The following MPRIP variants were observed in gnomAD, a reference collection of about 807,000 sequenced individuals.
MPRIP encodes myosin phosphatase Rho interacting protein, also known as myosin phosphatase Rho-interacting protein.
MPRIP carries 59 observed loss-of-function variants against 234.9 expected under a neutral mutation model. That is an observed-to-expected ratio of 0.25 (90% CI 0.20 to 0.31). The LOEUF (loss-of-function observed/expected upper bound fraction) is 0.31, where lower values mean the gene tolerates loss of function less well. MPRIP is among the 10% of genes least tolerant of loss of function. The pLI is 1.00. For synonymous variants in MPRIP, 1,144 were observed against 1,263.9 expected (o/e 0.91, Z 2.01); for missense variants, 2,436 against 3,071.0 (o/e 0.79, Z 4.89).
intron 16 of MPRIP, chr17:17,171,491 G>T: frequency 1.9e-6 from 1 of 538,022 alleles, no homozygotes. Context: ...GAAATAAGAG[G>T]TAGAGTTGAC....
In MPRIP at chr17:17,105,495, G is replaced by A. The variant is rs1045442515; in HGVS notation, c.268-21207G>A. Among the ~76,000 whole-genome samples, 6 of 152,302 alleles carry A rather than the reference G, an allele frequency of 3.9e-5. No individual in the cohort carries two copies. The East Asian group carries it at 1.2e-3, about 29-fold the overall frequency. ...ACTGTTCTCGCCCCCTAAGAAGGAG[G>A]TAGAGGTGAGGTCCCTGTTCACCTT... On this transcript the variant is annotated intron_variant, in intron 3 of 23. Coordinates refer to ENST00000651222, the MANE Select transcript of MPRIP (RefSeq NM_001364716.4).
chr17:17,120,472 G>T (rs551813711), intron 3 of MPRIP, among the ~76,000 whole-genome samples: 1 of 152,098 alleles, frequency 6.6e-6, no homozygotes, highest in African/African-American at 2.4e-5. Context: ...ACAGAGGACC[G>T]GCAGGAGGAG....
chr17:17,071,015 C>T (rs1014739650), intron 1 of MPRIP, among the ~76,000 whole-genome samples: 1 of 152,218 alleles, frequency 6.6e-6, no homozygotes, highest in African/African-American at 2.4e-5. Flanking sequence ...GGTTCCCTTC[C>T]CACTGGGCAA....
At chr17:17,063,906 CCA>C (rs1325304222) in intron 1 of MPRIP, among the ~76,000 whole-genome samples, 2 of 152,198 alleles carry the variant, frequency 1.3e-5, no homozygotes, top group African/African-American at 4.8e-5. Flanking sequence ...TTGCCCCTGG[CCA>C]CCCGCTTGGG....
intron 14 of MPRIP, among the ~76,000 whole-genome samples, chr17:17,160,174 C>T (rs1160400702): frequency 2.6e-5 from 4 of 152,078 alleles, no homozygotes; most frequent in East Asian, 1.9e-4. Context: ...CAAGACCATC[C>T]GGCCAACATG....
At chr17:17,048,897 G>A (rs2088442816) in intron 1 of MPRIP, among the ~76,000 whole-genome samples, 1 of 152,188 alleles carries the variant, frequency 6.6e-6, no homozygotes, top group Non-Finnish European at 1.5e-5. Context: ...GTTCATAACA[G>A]CACTACTCAC....
rs988192016 is a variant in MPRIP, at chr17:17,185,754, T to A, written c.*860T>A. 1 of 342,516 alleles carries A rather than the reference T, an allele frequency of 2.9e-6. No homozygotes were observed. Among genetic ancestry groups the A allele is most frequent in the Non-Finnish European group, 5.7e-6 (1 of 174,144 alleles). 21.2% of individuals were successfully genotyped at this position (342,516 alleles called of 1,614,324 possible). On this transcript the variant is annotated 3_prime_UTR_variant, in exon 24 of 24. Coordinates refer to ENST00000651222, the MANE Select transcript of MPRIP (RefSeq NM_001364716.4). ...GGGGGAAGGTTTGGGGGTTTGGGTTTTTTTTTTACCTTTTGGAAAAGAAAC... is the reference window on the plus strand; with the variant it reads ...GGGGGAAGGTTTGGGGGTTTGGGTTATTTTTTTACCTTTTGGAAAAGAAAC...
At chr17:17,176,390 C>A in intron 20 of MPRIP, 36 bp from the exon 21 acceptor site, 1 of 1,539,942 alleles carries the variant, frequency 6.5e-7, no homozygotes, top group South Asian at 1.1e-5. Flanking sequence ...TTTCTTTGCT[C>A]CTGAATATTG....
At chr17:17,099,744 G>A (rs189580591) in intron 3 of MPRIP, among the ~76,000 whole-genome samples, 3 of 152,224 alleles carry the variant, frequency 2.0e-5, no homozygotes, top group African/African-American at 7.2e-5. Context: ...TAAAAAAAAT[G>A]TAGACAATAA....
At chr17:17,111,156 A>C (rs2670552) in intron 3 of MPRIP, among the ~76,000 whole-genome samples, 18 of 141,024 alleles carry the variant, frequency 1.3e-4, no homozygotes, top group South Asian at 4.5e-4. Context: ...AAAAAAAAAA[A>C]CCAAAAAAAA....
intron 3 of MPRIP, among the ~76,000 whole-genome samples, chr17:17,105,479 G>A (rs762734346): frequency 2.0e-5 from 3 of 152,270 alleles, no homozygotes; most frequent in African/African-American, 4.8e-5. Context: ...TACTGTTCTC[G>A]CCCCCTAAGA....
In MPRIP at chr17:17,146,092, G is replaced by T; in HGVS notation, c.1560G>T (p.Gln520His). ...GWLTKQYEDG[Q>H]WKKHWFVLAD... ...TGACTAAGCAGTATGAGGACGGCCA[G>T]GTGAGTGTGCAGGGTTGCCGTGGCC... The change falls in exon 10 of 24, where the codon CAG becomes CAT. Residue 520 changes from glutamine (Q) to histidine (H), a missense_variant and splice_region_variant. By Grantham distance (24) the Gln-to-His change is conservative (BLOSUM62 0). This residue lies in a region of MPRIP where 1,998 missense variants were observed against 2,520.3 expected (regional missense o/e 0.79). Transcript: ENST00000651222. 1 of 1,614,020 alleles carries T rather than the reference G, an allele frequency of 6.2e-7. No homozygotes were observed. Among genetic ancestry groups the T allele is most frequent in the East Asian group, 2.2e-5 (1 of 44,890 alleles).
intron 3 of MPRIP, among the ~76,000 whole-genome samples, chr17:17,091,015 G>A (rs1021917861): frequency 2.6e-5 from 4 of 151,720 alleles, no homozygotes; most frequent in African/African-American, 9.7e-5. Context: ...GAGCGTGCCG[G>A]CCACAGGGGA....
At chr17:17,174,313 G>A (rs1356960188) in intron 19 of MPRIP, among the ~76,000 whole-genome samples, 5 of 152,250 alleles carry the variant, frequency 3.3e-5, no homozygotes, top group Non-Finnish European at 7.3e-5. Flanking sequence ...ACTGCCACGT[G>A]CACCACCTGC....
chr17:17,132,291 C>G (rs1205124168), intron 5 of MPRIP, among the ~76,000 whole-genome samples: 5 of 152,214 alleles, frequency 3.3e-5, no homozygotes, highest in Non-Finnish European at 7.3e-5. Context: ...ACCACACTCC[C>G]CACGTTCCTG....
rs578001467 is a variant in MPRIP, at chr17:17,057,669, G to A, written c.123+14698G>A. The A allele has an allele frequency of 5.4e-4, 385 of 718,046 alleles. No individual in the cohort carries two copies. In the African/African-American group the frequency reaches 6.3e-3, roughly 12 times the overall value. 44.5% of individuals were successfully genotyped at this position (718,046 alleles called of 1,614,324 possible). On this transcript the variant is annotated intron_variant, in intron 1 of 23. Coordinates refer to ENST00000651222, the MANE Select transcript of MPRIP (RefSeq NM_001364716.4). ...CCACCCCCTTGAAATGAAACGTGGA[G>A]CTCACATATATGATGCACGAATGTT...
chr17:17,044,085 G>C (rs1393245049), intron 1 of MPRIP, among the ~76,000 whole-genome samples: 1 of 152,188 alleles, frequency 6.6e-6, no homozygotes, highest in Non-Finnish European at 1.5e-5. Flanking sequence ...TGGTGGGGCA[G>C]GGGTTACGGC....
Position 17,166,982 on chromosome 17 carries a change from G to A in MPRIP, c.5391G>A (p.Ala1797=), listed in dbSNP as rs1399769680. The part of the protein sequence containing the change: ...KEKASLLEEI[A]AALPSLPPVE... ...AGGCCAGCCTCTTAGAGGAGATAGC[G>A]GCTGCCTTACCATCTCTGCCACCTG... is the stretch of plus-strand genomic sequence containing the variant. The change falls in exon 16 of 24, where the codon GCG becomes GCA. Residue 1797 remains alanine (A), a synonymous_variant. Coordinates refer to ENST00000651222, the MANE Select transcript of MPRIP (RefSeq NM_001364716.4). This position sits in a 1 kb window ranked among gnomAD's most constrained non-coding sequence, Gnocchi z 4.4. 6.1e-6 allele frequency: 8 copies of A among 1,304,054 alleles called. No individual in the cohort carries two copies. Among genetic ancestry groups the A allele is most frequent in the African/African-American group, 3.0e-5 (2 of 65,838 alleles). The allele number at this position is 1,304,054 out of a possible 1,614,324, so 80.8% of individuals were successfully genotyped here. A position where few individuals can be genotyped will look rare whatever the true frequency, so the allele number is the denominator to read the frequency against.
chr17:17,100,693 C>T (rs1005705110), intron 3 of MPRIP, among the ~76,000 whole-genome samples: 1 of 151,982 alleles, frequency 6.6e-6, no homozygotes, highest in Non-Finnish European at 1.5e-5. Flanking sequence ...TACTGTCTCC[C>T]ATCACCCTCA....
Sources: allele counts gnomAD v4.1 joint callset (sites outside exome capture counted in the v4.1 genomes callset), GRCh38; gene constraint gnomAD v4.1.1; regional missense constraint gnomAD v4.1.1; non-coding constraint Gnocchi (gnomAD v3.1); transcripts MANE v1.5; gene names NCBI Gene and HGNC (gene_info 2026-07-23, HGNC 2026-07-21).